Variants in CYP20A1 observed in about 807,000 individuals in gnomAD.
CYP20A1 encodes cytochrome P450 family 20 subfamily A member 1.
Under a neutral mutation model 61.4 loss-of-function variants are expected in CYP20A1, and 61 were observed. The observed-to-expected ratio is 0.99, with a 90% CI of 0.81 to 1.23. The LOEUF (loss-of-function observed/expected upper bound fraction) is 1.23, where lower values mean the gene tolerates loss of function less well. Ranked by LOEUF, CYP20A1 falls within the 50% of genes most tolerant of loss-of-function variation. CYP20A1 has a pLI of 0.00. For missense variants in CYP20A1, 530 were observed against 542.4 expected (o/e 0.98, Z 0.23); for synonymous variants, 193 against 188.2 (o/e 1.03, Z -0.21).
Position 203,296,829 on chromosome 2 carries a change from G to T in CYP20A1, c.1310G>T (p.Gly437Val), listed in dbSNP as rs762579762. The T allele has an allele frequency of 2.5e-6, 4 of 1,611,934 alleles. No homozygotes were observed. Among genetic ancestry groups the T allele is most frequent in the Non-Finnish European group, 3.4e-6 (4 of 1,179,122 alleles). ...AGACTGCACCTACTTTCTGTGGAGG[G>T]ACAGGTTATTGAAACAAAGTATGAA... ...VKRLHLLSVE[G>V]QVIETKYELV... The change falls in exon 13 of 13, where the codon GGA (glycine) becomes GTA (valine). Residue 437 changes from glycine to valine, a missense_variant. Coordinates refer to ENST00000356079, the MANE Select transcript of CYP20A1 (RefSeq NM_177538.3).
At chr2:203,258,722 A>G (rs952850313) in intron 4 of CYP20A1, among the ~76,000 whole-genome samples, 2 of 152,080 alleles carry the variant, frequency 1.3e-5, no homozygotes, top group African/African-American at 4.8e-5. Flanking sequence ...TTGTATCTCA[A>G]GGTTCTGTAT....
Position 203,298,691 on chromosome 2 carries a change from C to T in CYP20A1, c.*1783C>T, listed in dbSNP as rs1364894181. ...ACTCCAGCCTGGGTGTCGAGTGAAA[C>T]TCATTCTCAAAAAAAAAAAAAAAAG... On this transcript the variant is annotated 3_prime_UTR_variant, in exon 13 of 13. Coordinates refer to ENST00000356079, the MANE Select transcript of CYP20A1 (RefSeq NM_177538.3). Among the ~76,000 whole-genome samples the T allele has an allele frequency of 7.4e-6, 1 of 134,736 alleles. No homozygotes were observed. The highest frequency in any genetic ancestry group is 2.3e-4 in the East Asian group (1 of 4,338). 88.4% of individuals were successfully genotyped at this position (134,736 alleles called of 152,430 possible).
chr2:203,244,490 C>G (rs899973626), intron 1 of CYP20A1, among the ~76,000 whole-genome samples: 4 of 152,006 alleles, frequency 2.6e-5, no homozygotes, highest in Admixed American at 1.3e-4. Flanking sequence ...GGAGCCACTG[C>G]GCCCGGCCCA....
In CYP20A1 at chr2:203,282,827, C is replaced by G. The variant is rs546221012; in HGVS notation, c.850+2714C>G. Among the ~76,000 whole-genome samples, 91 of 152,128 alleles carry G rather than the reference C, an allele frequency of 6.0e-4. 1 individual carries two copies. Among genetic ancestry groups the G allele is most frequent in the Non-Finnish European group, 1.2e-3 (85 of 68,028 alleles). ...CCTTTTCTAAAATAGGAGTTTAGCT[C>G]CAGATGACCTTCCAAGTTATCTCTA... On this transcript the variant is annotated intron_variant, in intron 8 of 12. Coordinates refer to ENST00000356079, the MANE Select transcript of CYP20A1 (RefSeq NM_177538.3).
At chr2:203,249,363 T>G (rs2066575919) in intron 3 of CYP20A1, among the ~76,000 whole-genome samples, 1 of 151,870 alleles carries the variant, frequency 6.6e-6, no homozygotes, top group Non-Finnish European at 1.5e-5. Context: ...AAAAACAAAG[T>G]CAAAATCACC....
chr2:203,281,047 C>T (rs1269899284), intron 8 of CYP20A1, among the ~76,000 whole-genome samples: 4 of 152,178 alleles, frequency 2.6e-5, no homozygotes, highest in Non-Finnish European at 5.9e-5. Flanking sequence ...AAGAACTCCT[C>T]TCGTTGGAAT....
rs1403979850 is a variant in CYP20A1 at position 203,299,933 on chromosome 2, T to C, written c.*3025T>C. On this transcript the variant is annotated 3_prime_UTR_variant, in exon 13 of 13. Coordinates refer to ENST00000356079, the MANE Select transcript of CYP20A1 (RefSeq NM_177538.3). ...AAATTTATTATCCCTTCCCACTTAT[T>C]TTCTGTGGTTTTGTGTGTATAGAGC... Among the ~76,000 whole-genome samples the C allele has an allele frequency of 1.1e-4, 17 of 152,304 alleles. No individual in the cohort carries two copies. The highest frequency in any genetic ancestry group is 1.1e-3 in the Admixed American group (17 of 15,280).
Position 203,252,055 on chromosome 2 carries a change from G to C in CYP20A1, c.378G>C (p.Leu126Phe). 1 of 1,610,778 alleles carries C rather than the reference G, an allele frequency of 6.2e-7. No homozygotes were observed. Among genetic ancestry groups the C allele is most frequent in the Non-Finnish European group, 8.5e-7 (1 of 1,178,414 alleles). Residue 126 changes from leucine to phenylalanine, a missense_variant, in exon 4 of 13, where the codon TTG becomes TTC. By Grantham distance (22) the Leu-to-Phe change is conservative. Transcript: ENST00000356079. Reference protein sequence around the residue: ...SVSENHMRKKLYENGVTDSLK... With the variant: ...SVSENHMRKKFYENGVTDSLK... Reference sequence around the variant, plus strand: ...GTGAAAACCACATGAGGAAAAAATTGTATGAAAATGGTGTGACTGATTCTC... The same window carrying C: ...GTGAAAACCACATGAGGAAAAAATTCTATGAAAATGGTGTGACTGATTCTC...
chr2:203,269,473 A>AT (rs2067470796), intron 5 of CYP20A1, among the ~76,000 whole-genome samples: 1 of 149,110 alleles, frequency 6.7e-6, no homozygotes, highest in Non-Finnish European at 1.5e-5. Flanking sequence ...CAAAAATGAC[A>AT]TTTTATGATT....
Position 203,278,605 on chromosome 2 carries a change from A to C in CYP20A1, c.712A>C (p.Ile238Leu). 1 of 1,605,254 alleles carries C rather than the reference A, an allele frequency of 6.2e-7. No homozygotes were observed. Among genetic ancestry groups the C allele is most frequent in the Non-Finnish European group, 8.5e-7 (1 of 1,175,950 alleles). The change falls in exon 7 of 13, where the codon ATC (isoleucine) becomes CTC (leucine). Residue 238 changes from isoleucine to leucine, a missense_variant. By Grantham distance (5) the Ile-to-Leu change is conservative. Transcript: ENST00000356079. The stretch of plus-strand genomic sequence containing the variant: ...GCAACTGGAGTCTGTTTTAAGGAAC[A>C]TCATAAAAGAACGAAAAGGAAGGAA... ...LMQLESVLRN[I>L]IKERKGRNFS...
intron 5 of CYP20A1, among the ~76,000 whole-genome samples, chr2:203,270,725 C>CT (rs34642332): frequency 1.3e-4 from 18 of 141,462 alleles, no homozygotes; most frequent in Non-Finnish European, 2.0e-4. Flanking sequence ...TAAATATTTA[C>CT]TTTTTTTTTT....
chr2:203,263,227 G>A (rs2067203586), intron 4 of CYP20A1, among the ~76,000 whole-genome samples: 1 of 150,492 alleles, frequency 6.6e-6, no homozygotes, highest in African/African-American at 2.4e-5. Context: ...GACCTCAGGT[G>A]ATCAGCCCAC....
chr2:203,293,216 CT>C (rs1369639507), intron 11 of CYP20A1, among the ~76,000 whole-genome samples: 4 of 134,732 alleles, frequency 3.0e-5, no homozygotes, highest in African/African-American at 5.5e-5. Flanking sequence ...ATTTCTCTCT[CT>C]TTTTTTTTTT....
chr2:203,260,216 T>C lies in CYP20A1; in HGVS notation c.433-6298T>C, dbSNP rs1056828499. Among the ~76,000 whole-genome samples the C allele has an allele frequency of 1.1e-4, 17 of 148,434 alleles. No individual in the cohort carries two copies. In the East Asian group the frequency reaches 3.3e-3, roughly 29 times the overall value. On this transcript the variant is annotated intron_variant, in intron 4 of 12. Transcript: ENST00000356079. The stretch of plus-strand genomic sequence containing the variant: ...TGCTGGGATTGCAGATGTGAGCCAC[T>C]GTGCCCAGCCTATTTATTTATTTTT...
intron 8 of CYP20A1, among the ~76,000 whole-genome samples, chr2:203,284,221 A>G (rs896817578): frequency 1.3e-5 from 2 of 152,194 alleles, no homozygotes; most frequent in African/African-American, 4.8e-5. Context: ...CTTTGAGATA[A>G]GTTTAAGTTA....
intron 10 of CYP20A1, 70 bp downstream of exon 10, chr2:203,289,946 A>G (rs1021252082): frequency 1.9e-5 from 12 of 626,216 alleles, no homozygotes; most frequent in Non-Finnish European, 2.8e-5. Flanking sequence ...GTGTGTATAT[A>G]TATATATATT....
intron 6 of CYP20A1, among the ~76,000 whole-genome samples, chr2:203,275,221 A>G (rs1453817916): frequency 6.6e-6 from 1 of 152,146 alleles, no homozygotes; most frequent in Non-Finnish European, 1.5e-5. Flanking sequence ...TAGGGTTGAG[A>G]ATGTACAACA....
chr2:203,254,355 C>T (rs2066815092), intron 4 of CYP20A1, among the ~76,000 whole-genome samples: 1 of 151,942 alleles, frequency 6.6e-6, no homozygotes, highest in Admixed American at 6.6e-5. Flanking sequence ...GACTGGCCTG[C>T]CTAATATGAT....
At chr2:203,254,769 G>A (rs188751883) in intron 4 of CYP20A1, among the ~76,000 whole-genome samples, 28 of 152,102 alleles carry the variant, frequency 1.8e-4, no homozygotes, top group African/African-American at 5.1e-4. Flanking sequence ...TGGGTGGATC[G>A]TTTGAGGGCA....
Sources: allele counts gnomAD v4.1 joint callset (sites outside exome capture counted in the v4.1 genomes callset), GRCh38; gene constraint gnomAD v4.1.1; transcripts MANE v1.5; gene names NCBI Gene and HGNC (gene_info 2026-07-23, HGNC 2026-07-21).